PHF2: variants seen among roughly 807,000 people sequenced by gnomAD.
PHF2 encodes lysine-specific demethylase PHF2.
A neutral mutation model predicts 120.5 loss-of-function variants in PHF2; 27 were observed. The ratio of observed to expected loss-of-function variants is 0.22; its 90% confidence interval spans 0.17 to 0.31. PHF2 has a LOEUF of 0.31. Ranked by LOEUF, PHF2 falls within the 10% of genes least tolerant of loss-of-function variation. The pLI, the probability that PHF2 is intolerant of heterozygous loss-of-function variation, is 1.00. For synonymous variants in PHF2, 568 were observed against 592.5 expected (o/e 0.96, Z 0.60); for missense variants, 1,024 against 1,434.8 (o/e 0.71, Z 4.63).
At position 93,656,609 on chromosome 9, in the gene PHF2, C is replaced by T. The variant is rs772786898; in HGVS notation, c.1147+14C>T. On this transcript the variant is annotated intron_variant, in intron 9 of 21. Transcript: ENST00000359246. This position sits in a 1 kb window ranked among gnomAD's most constrained non-coding sequence, Gnocchi z 4.1. ...AGGCATTCAAAGGTACTGGTCACTC[C>T]GGGGTGGGCGTCCAAGCCTGGGGCT... 2.5e-5 allele frequency: 40 copies of T among 1,578,608 alleles called. No homozygotes were observed. Among genetic ancestry groups the T allele is most frequent in the Non-Finnish European group, 3.1e-5 (36 of 1,148,996 alleles).
chr9:93,644,576 A>G (rs10821187), intron 3 of PHF2, among the ~76,000 whole-genome samples: 53,974 of 151,780 alleles, frequency 0.36, 9,991 homozygotes, highest in Non-Finnish European at 0.4. Flanking sequence ...CCTGTCTTGC[A>G]GGGTGCTCTT....
At chr9:93,632,939 G>GCTGT (rs3080732) in intron 2 of PHF2, among the ~76,000 whole-genome samples, 96,998 of 151,544 alleles carry the variant, frequency 0.64, 31,524 homozygotes, top group African/African-American at 0.69. Flanking sequence ...GTGCCCAGAG[G>GCTGT]CTATGATGCC....
At chr9:93,599,824 C>T (rs1194642213) in intron 1 of PHF2, among the ~76,000 whole-genome samples, 1 of 152,242 alleles carries the variant, frequency 6.6e-6, no homozygotes, top group Admixed American at 6.5e-5. Flanking sequence ...CAGCCACGCT[C>T]CCAGTTCCGT....
intron 1 of PHF2, among the ~76,000 whole-genome samples, chr9:93,595,110 T>G (rs10116955): frequency 6.6e-6 from 1 of 152,090 alleles, no homozygotes; most frequent in Non-Finnish European, 1.5e-5. Flanking sequence ...GTGCTTATCT[T>G]TAAAGGGGTA....
chr9:93,660,401 GCCC>G lies in PHF2; in HGVS notation c.1542_1544del (p.Pro515del). On this transcript the variant is annotated inframe_deletion, in exon 12 of 22. Coordinates refer to ENST00000359246, the MANE Select transcript of PHF2 (RefSeq NM_005392.4). The stretch of plus-strand genomic sequence containing the variant: ...TCCCCAAGCCCCCGAAGCCCCCTAA[GCCC>G]CCAAGGCCCCCCAAAACGCTGAAGC... 1 of 719,040 alleles carries G rather than the reference GCCC, an allele frequency of 1.4e-6. No homozygotes were observed. The highest frequency in any genetic ancestry group is 1.8e-6 in the Non-Finnish European group (1 of 551,960). 44.5% of individuals were successfully genotyped at this position (719,040 alleles called of 1,614,324 possible).
At chr9:93,587,477 G>A (rs1238666089) in intron 1 of PHF2, among the ~76,000 whole-genome samples, 1 of 23,562 alleles carries the variant, frequency 4.2e-5, no homozygotes, top group Non-Finnish European at 9.5e-5. Flanking sequence ...GAGGAGCCCC[G>A]GGTGAGGGAT....
intron 1 of PHF2, among the ~76,000 whole-genome samples, chr9:93,617,990 T>TA (rs1376848588): frequency 6.6e-6 from 1 of 152,248 alleles, no homozygotes; most frequent in Non-Finnish European, 1.5e-5. Context: ...CCAGGATCAA[T>TA]ACTTTGCATC....
intron 17 of PHF2, among the ~76,000 whole-genome samples, chr9:93,669,933 G>A (rs1191114942): frequency 2.0e-5 from 3 of 152,194 alleles, no homozygotes; most frequent in Non-Finnish European, 2.9e-5. Flanking sequence ...TGGGTGGCCC[G>A]CCTGCCACTG....
intron 1 of PHF2, among the ~76,000 whole-genome samples, chr9:93,592,637 C>T (rs138897013): frequency 3.3e-5 from 5 of 152,198 alleles, no homozygotes; most frequent in East Asian, 1.9e-4. Flanking sequence ...TGCTGTTGTC[C>T]GTCCTTTCTT....
At chr9:93,662,819 G>A (rs1190355350) in intron 12 of PHF2, 88 bp from the exon 13 acceptor site, 4 of 1,521,980 alleles carry the variant, frequency 2.6e-6, no homozygotes, top group East Asian at 4.5e-5. Flanking sequence ...AAGCACATGG[G>A]CCAGAAGAAG....
At chr9:93,666,431 G>C (rs1388472145) in intron 16 of PHF2, among the ~76,000 whole-genome samples, 1 of 152,240 alleles carries the variant, frequency 6.6e-6, no homozygotes, top group Admixed American at 6.5e-5. Flanking sequence ...CACTGGGGCT[G>C]TCTTGTGTAA....
intron 14 of PHF2, among the ~76,000 whole-genome samples, chr9:93,664,168 G>A (rs986804414): frequency 3.9e-5 from 6 of 152,180 alleles, no homozygotes; most frequent in Non-Finnish European, 8.8e-5. Flanking sequence ...GAGCCCGGTG[G>A]CCAGTGGGGA....
chr9:93,639,911 G>T (rs1454481549), intron 3 of PHF2, among the ~76,000 whole-genome samples: 1 of 152,234 alleles, frequency 6.6e-6, no homozygotes, highest in Non-Finnish European at 1.5e-5. Flanking sequence ...GAATGTGAAT[G>T]GAGGGAGCAG....
In PHF2 at chr9:93,656,629, G is replaced by A. The variant is rs1826464980; in HGVS notation, c.1147+34G>A. The A allele has an allele frequency of 6.7e-7, 1 of 1,482,836 alleles. No individual in the cohort carries two copies. The highest frequency in any genetic ancestry group is 1.1e-5 in the South Asian group (1 of 88,348). The allele number at this position is 1,482,836 out of a possible 1,614,324, so 91.9% of individuals were successfully genotyped here. A position where few individuals can be genotyped will look rare whatever the true frequency, so the allele number is the denominator to read the frequency against. On this transcript the variant is annotated intron_variant, in intron 9 of 21. Coordinates refer to ENST00000359246, the MANE Select transcript of PHF2 (RefSeq NM_005392.4). This position sits in a 1 kb window ranked among gnomAD's most constrained non-coding sequence, Gnocchi z 4.1. ...CACTCCGGGGTGGGCGTCCAAGCCT[G>A]GGGCTCTTGGCTGTGGGGGCAGCCA...
chr9:93,644,779 A>G (rs765675698), intron 3 of PHF2, among the ~76,000 whole-genome samples: 27 of 151,992 alleles, frequency 1.8e-4, no homozygotes, highest in Non-Finnish European at 3.8e-4. Flanking sequence ...GTCCAGCTGT[A>G]TGGCCTTGGG....
intron 5 of PHF2, among the ~76,000 whole-genome samples, chr9:93,651,591 CAG>C (rs1297820720): frequency 2.0e-5 from 3 of 152,158 alleles, no homozygotes; most frequent in African/African-American, 7.2e-5. Context: ...CCTGCTGCCT[CAG>C]GGGGGCCCAC....
At chr9:93,617,330 C>T (rs1243692277) in intron 1 of PHF2, among the ~76,000 whole-genome samples, 4 of 152,228 alleles carry the variant, frequency 2.6e-5, no homozygotes, top group African/African-American at 7.2e-5. Context: ...GAGAAAGCCA[C>T]TGTGTCCTGT....
intron 1 of PHF2, among the ~76,000 whole-genome samples, chr9:93,619,775 CAG>C (rs1825794922): frequency 6.6e-6 from 1 of 152,230 alleles, no homozygotes; most frequent in Admixed American, 6.5e-5. Flanking sequence ...GGAAGAAACT[CAG>C]GGGGTGCTGC....
chr9:93,663,693 C>G (rs934103687), intron 14 of PHF2, 58 bp downstream of exon 14: 1 of 920,756 alleles, frequency 1.1e-6, no homozygotes, highest in Non-Finnish European at 1.8e-6. Context: ...TCACACACAC[C>G]ATACATACTG....
Sources: gnomAD v4.1 joint callset for allele counts (sites outside exome capture counted in the v4.1 genomes callset) on GRCh38, gnomAD v4.1.1 for gene constraint, Gnocchi (gnomAD v3.1) non-coding constraint, MANE v1.5 for transcripts, NCBI Gene and HGNC (gene_info 2026-07-23, HGNC 2026-07-21) for gene names.